FRMPD4: variants seen among roughly 807,000 people sequenced by gnomAD.
FRMPD4 encodes the protein FERM and PDZ domain-containing protein 4.
In FRMPD4, 22 loss-of-function variants were observed where a neutral mutation model predicts 94.1. That is an observed-to-expected ratio of 0.23 (90% confidence interval 0.17 to 0.33). The LOEUF (loss-of-function observed/expected upper bound fraction) is 0.33. Ranked by LOEUF, FRMPD4 falls within the 10% of genes least tolerant of loss-of-function variation. The pLI is 1.00. For missense variants in FRMPD4, 1,111 were observed against 1,339.9 expected (o/e 0.83, Z 2.67); for synonymous variants, 631 against 548.6 (o/e 1.15, Z -2.10).
chrX:12,720,422 C>A, intron 16 of FRMPD4, 112 bp from the exon 17 acceptor site: 1 of 805,964 alleles, frequency 1.2e-6, no homozygotes, highest in Non-Finnish European at 1.8e-6. Context: ...ATCGGCAGCC[C>A]TTCCAGACTA....
At position 11,883,048 on chromosome X, in the gene FRMPD4, C is replaced by T. The variant is rs778605614; in HGVS notation, c.95+5030C>T. Among the ~76,000 whole-genome samples, 4 of 111,723 alleles carry T rather than the reference C, an allele frequency of 3.6e-5. No homozygotes were observed. In the South Asian group the frequency reaches 1.1e-3, roughly 32 times the overall value. On this transcript the variant is annotated intron_variant, in intron 3 of 18. Coordinates refer to the FRMPD4 transcript ENST00000640291. ...TATTGAGCGCCTGCTCTCTGCCAGG[C>T]GCTACTCTAGGCCTTCGGGATCCAA...
At chrX:11,994,530 C>A (rs1355460401) in intron 3 of FRMPD4, among the ~76,000 whole-genome samples, 1 of 110,683 alleles carries the variant, frequency 9.0e-6, no homozygotes, top group East Asian at 2.8e-4. Flanking sequence ...TTGAGGAGTG[C>A]GTTTGAGAGT....
intron 2 of FRMPD4, among the ~76,000 whole-genome samples, chrX:12,599,387 G>T (rs773744340): frequency 9.0e-6 from 1 of 111,635 alleles, no homozygotes; most frequent in Non-Finnish European, 1.9e-5. Flanking sequence ...GTAAACAATG[G>T]ATGTTGACAC....
chrX:12,303,205 T>A (rs887410892), intron 1 of FRMPD4, among the ~76,000 whole-genome samples: 1 of 112,046 alleles, frequency 8.9e-6, no homozygotes, highest in Non-Finnish European at 1.9e-5. Context: ...ATGCTAACAG[T>A]TAAATGTTTA....
intron 3 of FRMPD4, among the ~76,000 whole-genome samples, chrX:12,042,746 A>G (rs533291745): frequency 8.9e-6 from 1 of 111,818 alleles, no homozygotes. Flanking sequence ...AGGTGATATC[A>G]TTTCCAGAAC....
At chrX:11,999,549 C>G (rs6639121) in intron 3 of FRMPD4, among the ~76,000 whole-genome samples, 9,924 of 111,638 alleles carry the variant, frequency 0.089, 368 homozygotes, top group East Asian at 0.24. Context: ...GTGTATTGCA[C>G]CTATTCCCTC....
chrX:12,644,426 G>T (rs982708174), intron 4 of FRMPD4, among the ~76,000 whole-genome samples: 1 of 111,683 alleles, frequency 9.0e-6, no homozygotes, highest in South Asian at 3.8e-4. Flanking sequence ...TTGGGCTCTT[G>T]TCACCGTAGC....
chrX:12,265,747 TAAG>T (rs2054261826), intron 1 of FRMPD4, among the ~76,000 whole-genome samples: 1 of 105,138 alleles, frequency 9.5e-6, no homozygotes, highest in Non-Finnish European at 2.0e-5. Flanking sequence ...AGATCTCAGT[TAAG>T]AACCCCCCCC....
In FRMPD4 at chrX:11,967,770, T is replaced by TGTTTTTTGTTTTTTG. The variant is rs1195825552; in HGVS notation, c.95+89752_95+89753insGTTTTTTGTTTTTTG. ...TGTGTGTGTGTGTTTTTTTTTTTTT[T>TGTTTTTTGTTTTTTG]TTTTTTTTAAGGAAGCTGACCAGTG... On this transcript the variant is annotated intron_variant, in intron 3 of 18. Transcript: ENST00000640291. Among the ~76,000 whole-genome samples the TGTTTTTTGTTTTTTG allele has an allele frequency of 6.6e-3, 682 of 103,674 alleles. 6 individuals carry two copies. Among genetic ancestry groups the TGTTTTTTGTTTTTTG allele is most frequent in the African/African-American group, 0.023 (663 of 28,621 alleles). 90.0% of individuals were successfully genotyped at this position (103,674 alleles called of 115,157 possible). A position where few individuals can be genotyped will look rare whatever the true frequency, so the allele number is the denominator to read the frequency against.
chrX:12,545,897 G>T lies in FRMPD4; in HGVS notation c.158+47101G>T, dbSNP rs752675535. ...CATGTCCCAACCAGCAGCTCATCTAGAAAGTAAAAATGAAAACTCTAATTA... is the reference window on the plus strand; with the variant it reads ...CATGTCCCAACCAGCAGCTCATCTATAAAGTAAAAATGAAAACTCTAATTA... On this transcript the variant is annotated intron_variant, in intron 2 of 16. Transcript: ENST00000675598. Among the ~76,000 whole-genome samples the T allele has an allele frequency of 1.5e-3, 173 of 112,776 alleles. 2 individuals are homozygous for T. The highest frequency in any genetic ancestry group is 5.5e-3 in the African/African-American group (172 of 31,116).
At chrX:12,284,420 A>C (rs1601777903) in intron 1 of FRMPD4, among the ~76,000 whole-genome samples, 1 of 111,802 alleles carries the variant, frequency 8.9e-6, no homozygotes, top group East Asian at 2.8e-4. Context: ...AAAGGGACTC[A>C]TTCTGTCACT....
chrX:11,875,898 T>C (rs369135890), intron 2 of FRMPD4, among the ~76,000 whole-genome samples: 99 of 78,541 alleles, frequency 1.3e-3, no homozygotes, highest in Non-Finnish European at 1.9e-3. Context: ...TTTTTTGAGA[T>C]GGAGTCTCGC....
intron 1 of FRMPD4, among the ~76,000 whole-genome samples, chrX:12,450,863 CAAAAAAAAA>C (rs5901475): frequency 2.0e-5 from 1 of 49,544 alleles, no homozygotes; most frequent in Non-Finnish European, 3.6e-5. Context: ...TCTATTTATC[CAAAAAAAAA>C]AAAAAAAAAA....
chrX:12,380,507 T>G (rs984591602), intron 1 of FRMPD4, among the ~76,000 whole-genome samples: 1 of 112,268 alleles, frequency 8.9e-6, no homozygotes, highest in African/African-American at 3.2e-5. Flanking sequence ...TGTTCCAGAA[T>G]ATTTCAGTTA....
chrX:12,143,326 T>G (rs2055717183), intron 1 of FRMPD4, among the ~76,000 whole-genome samples: 1 of 112,770 alleles, frequency 8.9e-6, no homozygotes, highest in African/African-American at 3.2e-5. Context: ...TCTTTATTTT[T>G]AAATGGTTCA....
chrX:12,496,387 C>T (rs2057849700), intron 1 of FRMPD4, among the ~76,000 whole-genome samples: 1 of 111,942 alleles, frequency 8.9e-6, no homozygotes, highest in South Asian at 3.7e-4. Context: ...CTAATGCAGA[C>T]CTACTGAATC....
chrX:12,071,223 A>G (rs1271539349), intron 3 of FRMPD4, among the ~76,000 whole-genome samples: 1 of 109,638 alleles, frequency 9.1e-6, no homozygotes, highest in Non-Finnish European at 1.9e-5. Flanking sequence ...CCCTCCCCAT[A>G]CAGCTCTTTC....
At position 12,194,334 on chromosome X, in the gene FRMPD4, A is replaced by C. The variant is rs769043572; in HGVS notation, c.41+55322A>C. On this transcript the variant is annotated intron_variant, in intron 1 of 16. Coordinates refer to ENST00000675598, the MANE Select transcript of FRMPD4 (RefSeq NM_001368397.1). ...GCACCTGAAGTGTGGATTCCTGATT[A>C]GGGGGCTTTAAGTGTGGCCTAATTT... is the stretch of plus-strand genomic sequence containing the variant. 2.7e-5 allele frequency among the ~76,000 whole-genome samples: 3 copies of C among 110,612 alleles called. No individual in the cohort carries two copies. The East Asian group carries it at 8.5e-4, about 31-fold the overall frequency.
chrX:12,685,948 C>T (rs2060019022), intron 6 of FRMPD4, 149 bp from the exon 7 acceptor site: 2 of 330,120 alleles, frequency 6.1e-6, no homozygotes, highest in Middle Eastern at 8.3e-4. Context: ...ACTTAACTCA[C>T]ATATCACCAA....
Sources: allele counts gnomAD v4.1 joint callset (sites outside exome capture counted in the v4.1 genomes callset), GRCh38; gene constraint gnomAD v4.1.1; transcripts MANE v1.5; gene names NCBI Gene and HGNC (gene_info 2026-07-23, HGNC 2026-07-21).